ARHGAP10: variants seen among roughly 807,000 people sequenced by gnomAD.
ARHGAP10 encodes rho GTPase-activating protein 10.
A neutral mutation model predicts 108.6 loss-of-function variants in ARHGAP10; 87 were observed. The observed-to-expected ratio is 0.80, with a 90% confidence interval of 0.67 to 0.96. The LOEUF (loss-of-function observed/expected upper bound fraction) is 0.96, where lower values mean the gene tolerates loss of function less well. ARHGAP10 is among the 40% of genes least tolerant of loss of function. The pLI is 0.00. For synonymous variants in ARHGAP10, 347 were observed against 341.1 expected, an observed-to-expected ratio of 1.02 and a Z score of -0.19; for missense variants, 939 against 954.5, an observed-to-expected ratio of 0.98 and a Z score of 0.21.
At chr4:147,829,159 T>C (rs1440386150) in intron 3 of ARHGAP10, among the ~76,000 whole-genome samples, 2 of 152,032 alleles carry the variant, frequency 1.3e-5, no homozygotes, top group Non-Finnish European at 2.9e-5. Flanking sequence ...CAAGCGATTC[T>C]CCTGCCTCAG....
intron 18 of ARHGAP10, 78 bp downstream of exon 18, chr4:147,966,917 C>T: frequency 8.1e-7 from 1 of 1,236,172 alleles, no homozygotes; most frequent in Non-Finnish European, 1.1e-6. Flanking sequence ...CTTAGATTTC[C>T]CTTTTCTCTC....
At chr4:147,932,923 A>G (rs1356639157) in intron 13 of ARHGAP10, among the ~76,000 whole-genome samples, 1 of 152,230 alleles carries the variant, frequency 6.6e-6, no homozygotes, top group Non-Finnish European at 1.5e-5. Context: ...TGAAATATGA[A>G]CATTCAGTCT....
In ARHGAP10 at chr4:148,023,280, C is replaced by T. The variant is rs774897636; in HGVS notation, c.1734C>T (p.Pro578=). The change falls in exon 19 of 23, where the codon CCC becomes CCT. Residue 578 remains proline, a synonymous_variant. Transcript: ENST00000336498. ...ENHEKIFRTP[P]DTTFPEPTCL... ...GTTGGAAGATTTTTCGGACGCCGCC[C>T]GATACTACATTCCCTGAGCCCACCT... 24 of 1,613,866 alleles carry T rather than the reference C, an allele frequency of 1.5e-5. No individual in the cohort carries two copies. Among genetic ancestry groups the T allele is most frequent in the Admixed American group, 3.3e-5 (2 of 60,010 alleles).
intron 20 of ARHGAP10, among the ~76,000 whole-genome samples, chr4:148,051,389 A>G (rs373945284): frequency 9.9e-5 from 15 of 152,202 alleles, no homozygotes; most frequent in Non-Finnish European, 1.6e-4. Context: ...GTTTTCTTCT[A>G]TTGTAATTGA....
chr4:147,854,423 G>C (rs1213530641), intron 4 of ARHGAP10, among the ~76,000 whole-genome samples: 1 of 152,136 alleles, frequency 6.6e-6, no homozygotes, highest in Non-Finnish European at 1.5e-5. Context: ...TACCACTCCT[G>C]ATTGCATTTC....
chr4:148,043,522 T>C (rs751516616), intron 19 of ARHGAP10, among the ~76,000 whole-genome samples: 4 of 148,462 alleles, frequency 2.7e-5, no homozygotes, highest in Non-Finnish European at 6.0e-5. Context: ...CTCATACTTG[T>C]AATCCGAACA....
intron 4 of ARHGAP10, among the ~76,000 whole-genome samples, chr4:147,853,914 T>G (rs1733981371): frequency 6.6e-6 from 1 of 152,192 alleles, no homozygotes; most frequent in Non-Finnish European, 1.5e-5. Context: ...CTCTTTCTGC[T>G]TCCCAGTAAA....
At chr4:147,799,917 G>C (rs1354583565) in intron 1 of ARHGAP10, among the ~76,000 whole-genome samples, 1 of 151,930 alleles carries the variant, frequency 6.6e-6, no homozygotes, top group Non-Finnish European at 1.5e-5. Context: ...TTTTTGGGGG[G>C]GTGCGGGCAG....
intron 19 of ARHGAP10, among the ~76,000 whole-genome samples, chr4:148,041,443 A>G (rs1235882157): frequency 1.3e-5 from 2 of 152,224 alleles, no homozygotes; most frequent in Non-Finnish European, 2.9e-5. Context: ...CCTTCCAACA[A>G]TCCAAAAGCA....
intron 18 of ARHGAP10, among the ~76,000 whole-genome samples, chr4:147,987,428 C>A (rs112230555): frequency 0.021 from 3,196 of 152,120 alleles, 116 homozygotes; most frequent in African/African-American, 0.073. Flanking sequence ...CTCTTTTTAC[C>A]TTTTTCTGGG....
chr4:148,024,466 C>T (rs974112356), intron 19 of ARHGAP10, among the ~76,000 whole-genome samples: 2 of 152,166 alleles, frequency 1.3e-5, no homozygotes, highest in African/African-American at 2.4e-5. Flanking sequence ...CAGAGATCCA[C>T]GCAAGCAGGT....
intron 16 of ARHGAP10, among the ~76,000 whole-genome samples, chr4:147,956,562 G>A (rs1738793480): frequency 6.6e-6 from 1 of 152,124 alleles, no homozygotes; most frequent in Non-Finnish European, 1.5e-5. Flanking sequence ...ATGCTTAGTT[G>A]TTTTGATTTC....
chr4:147,897,400 G>C (rs1736037025), intron 10 of ARHGAP10, among the ~76,000 whole-genome samples: 1 of 151,996 alleles, frequency 6.6e-6, no homozygotes, highest in Non-Finnish European at 1.5e-5. Context: ...ACTATGCCCA[G>C]CTGATCCATA....
At chr4:148,042,083 AC>A (rs1452177373) in intron 19 of ARHGAP10, among the ~76,000 whole-genome samples, 1 of 152,040 alleles carries the variant, frequency 6.6e-6, no homozygotes, top group East Asian at 1.9e-4. Flanking sequence ...TTTTATTGAC[AC>A]CCCAAACCCA....
At chr4:147,865,846 A>AAAT (rs1283023862) in intron 6 of ARHGAP10, 1 of 152,246 alleles carries the variant, frequency 6.6e-6, no homozygotes, top group East Asian at 1.9e-4. Context: ...TTTTAATGTG[A>AAAT]AATAATAATA....
intron 1 of ARHGAP10, among the ~76,000 whole-genome samples, chr4:147,760,469 G>A (rs1020519024): frequency 2.0e-5 from 3 of 152,130 alleles, no homozygotes; most frequent in African/African-American, 7.2e-5. Context: ...TGGACAGAGC[G>A]GCAGATTGGG....
chr4:147,787,871 G>A (rs774831527), intron 1 of ARHGAP10, among the ~76,000 whole-genome samples: 8 of 152,130 alleles, frequency 5.3e-5, no homozygotes, highest in South Asian at 2.1e-4. Context: ...TGAGGCACCC[G>A]ACCTGTGAGG....
chr4:147,733,931 A>T (rs1010944297), intron 1 of ARHGAP10, among the ~76,000 whole-genome samples: 1 of 152,044 alleles, frequency 6.6e-6, no homozygotes, highest in Non-Finnish European at 1.5e-5. Context: ...ACTCTGGGAC[A>T]TGTGACAAGT....
chr4:147,784,908 TATA>T (rs1281527431), intron 1 of ARHGAP10, among the ~76,000 whole-genome samples: 18 of 114,174 alleles, frequency 1.6e-4, no homozygotes, highest in East Asian at 7.0e-4. Context: ...ATATTATAAA[TATA>T]ATATATTATA....
Sources: gnomAD v4.1 joint callset for allele counts (sites outside exome capture counted in the v4.1 genomes callset) on GRCh38, gnomAD v4.1.1 for gene constraint, MANE v1.5 for transcripts, NCBI Gene and HGNC (gene_info 2026-07-23, HGNC 2026-07-21) for gene names.